The following GCNT2 variants were observed in gnomAD, a reference collection of about 807,000 sequenced individuals.
GCNT2 encodes N-acetyllactosaminide beta-1,6-N-acetylglucosaminyl-transferase.
Under a neutral mutation model 34.2 loss-of-function variants are expected in GCNT2, and 34 were observed. The observed-to-expected ratio is 1.00, with a 90% confidence interval of 0.76 to 1.32. The LOEUF is 1.32. GCNT2 is among the 40% of genes most tolerant of loss of function. GCNT2 has a pLI of 0.00. For missense variants in GCNT2, 584 were observed against 489.4 expected, an observed-to-expected ratio of 1.19 and a Z score of -1.82; for synonymous variants, 212 against 188.0, an observed-to-expected ratio of 1.13 and a Z score of -1.04.
rs763988372 is a variant in GCNT2 at position 10,556,981 on chromosome 6, C to T, written c.925+27145C>T. ...TCGAGGTCTCATGGAAGTACGTTATCAACACCTGTGGGCAAGACTTCCCCC... is the reference window on the plus strand; with the variant it reads ...TCGAGGTCTCATGGAAGTACGTTATTAACACCTGTGGGCAAGACTTCCCCC... On this transcript the variant is annotated intron_variant, in intron 3 of 4. Transcript: ENST00000495262. 10 of 1,613,844 alleles carry T rather than the reference C, an allele frequency of 6.2e-6. No homozygotes were observed. The highest frequency in any genetic ancestry group is 8.5e-6 in the Non-Finnish European group (10 of 1,179,824).
intron 3 of GCNT2, among the ~76,000 whole-genome samples, chr6:10,594,950 A>G (rs958124911): frequency 2.6e-5 from 4 of 151,760 alleles, no homozygotes; most frequent in Non-Finnish European, 5.9e-5. Context: ...GGCTCAAGCA[A>G]TTCTCCCACC....
At chr6:10,568,295 C>T (rs577306524) in intron 3 of GCNT2, among the ~76,000 whole-genome samples, 2 of 152,288 alleles carry the variant, frequency 1.3e-5, no homozygotes, top group African/African-American at 2.4e-5. Context: ...CAGCTTTCCA[C>T]TCACAGTCTC....
At chr6:10,561,827 T>G (rs1487233615) in intron 3 of GCNT2, among the ~76,000 whole-genome samples, 1 of 152,170 alleles carries the variant, frequency 6.6e-6, no homozygotes, top group African/African-American at 2.4e-5. Context: ...CCTTTTTTTT[T>G]TTCAGGGCCC....
chr6:10,627,893 A>C lies in GCNT2; in HGVS notation c.*1286A>C, dbSNP rs756789522. 1 of 152,646 alleles carries C rather than the reference A, an allele frequency of 6.6e-6. No homozygotes were observed. Among genetic ancestry groups the C allele is most frequent in the Non-Finnish European group, 1.5e-5 (1 of 68,046 alleles). The allele number at this position is 152,646 out of a possible 1,614,324, so 9.5% of individuals were successfully genotyped here. On this transcript the variant is annotated 3_prime_UTR_variant, in exon 5 of 5. Coordinates refer to ENST00000495262, the MANE Select transcript of GCNT2 (RefSeq NM_145649.5). Reference sequence around the variant, plus strand: ...CAGAGAGGGAGAAAGGAGGAGACAGAGGGAGGACCTGTTGTGTTCCAGCCA... The same window carrying C: ...CAGAGAGGGAGAAAGGAGGAGACAGCGGGAGGACCTGTTGTGTTCCAGCCA...
intron 3 of GCNT2, 85 bp from the exon 4 acceptor site, chr6:10,621,266 G>A (rs889920433): frequency 3.5e-5 from 30 of 856,494 alleles, no homozygotes; most frequent in Admixed American, 1.6e-4. Context: ...AAGAAAGTAA[G>A]CCTGACTTAG....
rs1490500175 is a variant in GCNT2, at chr6:10,556,835, G to A, written c.925+26999G>A. The A allele has an allele frequency of 7.4e-6, 12 of 1,614,198 alleles. No homozygotes were observed. In the East Asian group the frequency reaches 2.2e-4, roughly 30 times the overall value. On this transcript the variant is annotated intron_variant, in intron 3 of 4. Transcript: ENST00000495262. ...AGCAACAACTGAATTTAAAGATGCGGTAGAGCAACTATTAAGCTGCTTCCC... is the reference window on the plus strand; with the variant it reads ...AGCAACAACTGAATTTAAAGATGCGATAGAGCAACTATTAAGCTGCTTCCC...
chr6:10,529,829 G>A lies in GCNT2; in HGVS notation c.918G>A (p.Arg306=), dbSNP rs1419060604. The stretch of plus-strand genomic sequence containing the variant: ...AACATTTCTGGGTGACACTCAACAG[G>A]ATTCCCGGTATGTACGTCTCTTAAC... ...PDEHFWVTLN[R]IPGVPGSMPN... Residue 306 remains arginine, a synonymous_variant, in exon 3 of 5, where the codon AGG becomes AGA. Transcript: ENST00000495262. 1 of 1,612,110 alleles carries A rather than the reference G, an allele frequency of 6.2e-7. No individual in the cohort carries two copies. The highest frequency in any genetic ancestry group is 1.7e-5 in the Admixed American group (1 of 60,012).
At chr6:10,526,138 G>A (rs1041619251) in intron 1 of GCNT2, among the ~76,000 whole-genome samples, 2 of 152,122 alleles carry the variant, frequency 1.3e-5, no homozygotes, top group South Asian at 2.1e-4. Context: ...TTTTGTATGC[G>A]TTCTGTATTG....
chr6:10,584,004 A>G (rs942933768), intron 3 of GCNT2, among the ~76,000 whole-genome samples: 1 of 152,154 alleles, frequency 6.6e-6, no homozygotes, highest in Non-Finnish European at 1.5e-5. Flanking sequence ...GAGAAAAGAA[A>G]TAAGACACAG....
chr6:10,597,959 G>T lies in GCNT2; in HGVS notation c.926-23392G>T, dbSNP rs79261849. ...GTGCTTTCGAGTACTGTGTAAGAGA[G>T]GCTAGTGACTTAGATACCCACACTA... On this transcript the variant is annotated intron_variant, in intron 3 of 4. Transcript: ENST00000495262. Among the ~76,000 whole-genome samples, 489 of 152,276 alleles carry T rather than the reference G, an allele frequency of 3.2e-3. 2 individuals are homozygous for T. Among genetic ancestry groups the T allele is most frequent in the Admixed American group, 7.3e-3 (112 of 15,290 alleles).
chr6:10,593,893 GAGAC>G (rs534489176), intron 3 of GCNT2, among the ~76,000 whole-genome samples: 106 of 152,174 alleles, frequency 7.0e-4, no homozygotes, highest in Middle Eastern at 6.8e-3. Context: ...AACGACTTTG[GAGAC>G]AGACGTAGTG....
At chr6:10,586,974 G>A (rs1764383128) in intron 3 of GCNT2, 1 of 1,133,274 alleles carries the variant, frequency 8.8e-7, no homozygotes. Context: ...TGCTCGCCTA[G>A]AGAACTGACT....
intron 3 of GCNT2, among the ~76,000 whole-genome samples, chr6:10,542,669 G>A (rs772650813): frequency 1.3e-5 from 2 of 152,060 alleles, no homozygotes; most frequent in Non-Finnish European, 2.9e-5. Context: ...CCGTGTTATC[G>A]CGTGAATCAG....
chr6:10,617,643 A>G (rs1402533875), intron 3 of GCNT2, among the ~76,000 whole-genome samples: 6 of 151,824 alleles, frequency 4.0e-5, no homozygotes, highest in African/African-American at 9.7e-5. Context: ...CCCAGCTCCT[A>G]TTTAAGATGG....
intron 3 of GCNT2, chr6:10,586,406 T>C (rs1158306668): frequency 1.2e-6 from 2 of 1,614,104 alleles, no homozygotes; most frequent in Admixed American, 1.7e-5. Flanking sequence ...ATAAGGAATC[T>C]GTGAGGCAGT....
chr6:10,561,599 G>T (rs191677213), intron 3 of GCNT2, among the ~76,000 whole-genome samples: 34 of 152,304 alleles, frequency 2.2e-4, no homozygotes, highest in Non-Finnish European at 4.6e-4. Context: ...CCATTCCCAT[G>T]GCTAGAATGT....
chr6:10,538,973 A>G (rs943531717), intron 3 of GCNT2, among the ~76,000 whole-genome samples: 120 of 152,230 alleles, frequency 7.9e-4, no homozygotes, highest in African/African-American at 2.8e-3. Context: ...GAGAAAGAAA[A>G]AAATAAGGGT....
chr6:10,628,534 C>T lies in GCNT2; in HGVS notation c.*1927C>T, dbSNP rs527487124. On this transcript the variant is annotated 3_prime_UTR_variant, in exon 5 of 5. Transcript: ENST00000495262. The stretch of plus-strand genomic sequence containing the variant: ...CCTGTCACTTGCACAGAGGCCAGTC[C>T]CACTAAGGTGACCAGAGTGGGCTCC... 2 of 152,294 alleles carry T rather than the reference C, an allele frequency of 1.3e-5. No individual in the cohort carries two copies. Among genetic ancestry groups the T allele is most frequent in the African/African-American group, 4.8e-5 (2 of 41,558 alleles). The allele number at this position is 152,294 out of a possible 1,614,324, so 9.4% of individuals were successfully genotyped here.
intron 3 of GCNT2, among the ~76,000 whole-genome samples, chr6:10,617,078 G>A (rs1254868226): frequency 2.6e-5 from 4 of 152,346 alleles, no homozygotes; most frequent in African/African-American, 7.2e-5. Context: ...GCCTTTGGGC[G>A]GTCGATGGGA....
Sources: gnomAD v4.1 joint callset for allele counts (sites outside exome capture counted in the v4.1 genomes callset) on GRCh38, gnomAD v4.1.1 for gene constraint, MANE v1.5 for transcripts, NCBI Gene and HGNC (gene_info 2026-07-23, HGNC 2026-07-21) for gene names.